The following ATF7IP2 variants were observed in gnomAD, a reference collection of about 807,000 sequenced individuals.
ATF7IP2 encodes activating transcription factor 7 interacting protein 2.
Under a neutral mutation model 64.2 loss-of-function variants are expected in ATF7IP2, and 42 were observed. The observed-to-expected ratio is 0.65, with a 90% CI of 0.51 to 0.85. ATF7IP2 has a LOEUF of 0.85. Among genes scored for constraint, ATF7IP2 ranks in the 40% least tolerant of loss-of-function variants. ATF7IP2 has a pLI of 0.00. For missense variants in ATF7IP2, 933 were observed against 784.2 expected, an observed-to-expected ratio of 1.19 and a Z score of -2.27; for synonymous variants, 308 against 272.8, an observed-to-expected ratio of 1.13 and a Z score of -1.27.
At chr16:10,398,868 CT>C (rs2047472468) in intron 1 of ATF7IP2, among the ~76,000 whole-genome samples, 2 of 152,154 alleles carry the variant, frequency 1.3e-5, no homozygotes, top group African/African-American at 4.8e-5. Context: ...AATCCCACCA[CT>C]TTGGGAGGCC....
intron 3 of ATF7IP2, among the ~76,000 whole-genome samples, chr16:10,422,213 G>A (rs962300850): frequency 5.3e-5 from 8 of 152,116 alleles, no homozygotes; most frequent in Admixed American, 3.3e-4. Context: ...ATCCAAATTG[G>A]CTTATCTGTT....
chr16:10,398,449 G>A (rs1042919721), intron 1 of ATF7IP2, among the ~76,000 whole-genome samples: 27 of 152,058 alleles, frequency 1.8e-4, no homozygotes, highest in African/African-American at 6.0e-4. Context: ...CTATGATCCA[G>A]GAATCTTATT....
intron 1 of ATF7IP2, among the ~76,000 whole-genome samples, chr16:10,389,025 T>A (rs1466739066): frequency 6.7e-6 from 1 of 149,810 alleles, no homozygotes; most frequent in African/African-American, 2.5e-5. Flanking sequence ...AAAAAAAAAA[T>A]TATAGTGGGA....
chr16:10,416,269 A>C (rs1227311181), intron 2 of ATF7IP2, among the ~76,000 whole-genome samples: 1 of 152,240 alleles, frequency 6.6e-6, no homozygotes, highest in Non-Finnish European at 1.5e-5. Flanking sequence ...CTATTCAGCC[A>C]TGCAAAAGAA....
At chr16:10,438,999 G>A (rs2048516661) in intron 7 of ATF7IP2, among the ~76,000 whole-genome samples, 1 of 142,168 alleles carries the variant, frequency 7.0e-6, no homozygotes, top group Admixed American at 7.3e-5. Flanking sequence ...ATTGCAGTGA[G>A]CAGAGATTGC....
chr16:10,477,491 C>A (rs989140233), intron 12 of ATF7IP2, among the ~76,000 whole-genome samples: 8 of 152,188 alleles, frequency 5.3e-5, no homozygotes, highest in Non-Finnish European at 1.2e-4. Context: ...ATAATAAGAG[C>A]TATCTATGAC....
chr16:10,426,474 C>T (rs552531754), intron 3 of ATF7IP2, among the ~76,000 whole-genome samples: 19 of 152,296 alleles, frequency 1.2e-4, no homozygotes, highest in Admixed American at 4.6e-4. Flanking sequence ...TCCTCAGAGC[C>T]GGAAGTTTAA....
rs1476575065 is a variant in ATF7IP2, at chr16:10,412,010, G to GGTTTTTTT, written c.-241-2564_-241-2563insGTTTTTTT. 3.4e-3 allele frequency among the ~76,000 whole-genome samples: 197 copies of GGTTTTTTT among 58,396 alleles called. 28 individuals are homozygous for GGTTTTTTT. Among genetic ancestry groups the GGTTTTTTT allele is most frequent in the East Asian group, 3.9e-3 (7 of 1,776 alleles). The allele number at this position is 58,396 out of a possible 152,430, so 38.3% of individuals were successfully genotyped here. A position where few individuals can be genotyped will look rare whatever the true frequency, so the allele number is the denominator to read the frequency against. ...CTTTTTGTTTCATTTATCTTTTTTT[G>GGTTTTTTT]TTTTTTTTTTTTTTTTTTTTTTTTT... On this transcript the variant is annotated intron_variant, in intron 1 of 13. Coordinates refer to ENST00000562102, the MANE Select transcript of ATF7IP2 (RefSeq NM_001393719.1).
chr16:10,455,982 C>CTTTTTTATTTTTA (rs138166160), intron 8 of ATF7IP2, among the ~76,000 whole-genome samples: 4 of 151,186 alleles, frequency 2.6e-5, no homozygotes, highest in Non-Finnish European at 4.4e-5. Flanking sequence ...GATTTTATTT[C>CTTTTTTATTTTTA]TTTTTTTATT....
At chr16:10,416,106 C>A (rs2047870232) in intron 2 of ATF7IP2, among the ~76,000 whole-genome samples, 1 of 152,168 alleles carries the variant, frequency 6.6e-6, no homozygotes, top group African/African-American at 2.4e-5. Context: ...TGAATATATA[C>A]CCAAATGAAA....
At chr16:10,427,831 CAG>C (rs1266285069) in intron 3 of ATF7IP2, among the ~76,000 whole-genome samples, 1 of 146,208 alleles carries the variant, frequency 6.8e-6, no homozygotes, top group Non-Finnish European at 1.5e-5. Context: ...GCCTGGGTAA[CAG>C]AGCAGCAAGA....
chr16:10,425,011 CATTA>C (rs1490900939), intron 3 of ATF7IP2, among the ~76,000 whole-genome samples: 1 of 150,436 alleles, frequency 6.6e-6, no homozygotes, highest in Admixed American at 6.6e-5. Context: ...AACATGAAAA[CATTA>C]TGTCCACATA....
chr16:10,473,543 T>A lies in ATF7IP2; in HGVS notation c.1482+9T>A. The A allele has an allele frequency of 6.6e-7, 1 of 1,525,506 alleles. No individual in the cohort carries two copies. Among genetic ancestry groups the A allele is most frequent in the Non-Finnish European group, 9.0e-7 (1 of 1,109,078 alleles). The allele number at this position is 1,525,506 out of a possible 1,614,324, so 94.5% of individuals were successfully genotyped here. ...CCAATGCTGAAGTTATGGTGAGTAA[T>A]AAATATTGACTCTGAATATTGTTTA... On this transcript the variant is annotated intron_variant, in intron 11 of 13. Transcript: ENST00000562102.
intron 2 of ATF7IP2, among the ~76,000 whole-genome samples, chr16:10,417,326 T>C (rs1185402701): frequency 6.6e-6 from 1 of 152,096 alleles, no homozygotes; most frequent in Non-Finnish European, 1.5e-5. Context: ...TATATGCTGC[T>C]TACCAGAAAT....
chr16:10,431,454 C>T lies in ATF7IP2; in HGVS notation c.834C>T (p.Asn278=). The T allele has an allele frequency of 6.3e-7, 1 of 1,576,440 alleles. No individual in the cohort carries two copies. Among genetic ancestry groups the T allele is most frequent in the Non-Finnish European group, 8.7e-7 (1 of 1,156,020 alleles). The part of the protein sequence containing the change: ...TWQSSLDTNN[N]SHYQKKRMFS... ...AGTCATCACTTGACACTAATAACAA[C>T]AGTAAGTATATACTTATGCACCTTT... Residue 278 remains asparagine, a splice_region_variant and synonymous_variant, in exon 5 of 14, where the codon AAC becomes AAT. Coordinates refer to ENST00000562102, the MANE Select transcript of ATF7IP2 (RefSeq NM_001393719.1).
At chr16:10,408,978 A>G (rs2047698197) in intron 1 of ATF7IP2, among the ~76,000 whole-genome samples, 1 of 152,186 alleles carries the variant, frequency 6.6e-6, no homozygotes, top group Non-Finnish European at 1.5e-5. Flanking sequence ...CTCGGGCAAA[A>G]GTTTTCCCAG....
chr16:10,458,421 G>A (rs1464445222), intron 9 of ATF7IP2, among the ~76,000 whole-genome samples: 1 of 152,148 alleles, frequency 6.6e-6, no homozygotes, highest in Non-Finnish European at 1.5e-5. Flanking sequence ...CATTAAAATA[G>A]CACTTCATAG....
intron 1 of ATF7IP2, among the ~76,000 whole-genome samples, chr16:10,404,377 C>T (rs531957339): frequency 1.9e-4 from 29 of 152,224 alleles, no homozygotes; most frequent in Admixed American, 9.8e-4. Flanking sequence ...CTCAGCCTCC[C>T]GAGTAGCTGG....
chr16:10,453,662 G>T (rs2049063663), intron 8 of ATF7IP2, among the ~76,000 whole-genome samples: 1 of 152,130 alleles, frequency 6.6e-6, no homozygotes, highest in Non-Finnish European at 1.5e-5. Context: ...TTGTTGCCCA[G>T]GCTGGAGTGC....
Sources: gnomAD v4.1 joint callset for allele counts (sites outside exome capture counted in the v4.1 genomes callset) on GRCh38, gnomAD v4.1.1 for gene constraint, MANE v1.5 for transcripts, NCBI Gene and HGNC (gene_info 2026-07-23, HGNC 2026-07-21) for gene names.